Variants in ZFX observed in about 807,000 individuals in gnomAD.
ZFX encodes the protein zinc finger X-chromosomal protein.
For synonymous variants in ZFX, 196 were observed against 226.8 expected, an observed-to-expected ratio of 0.86 and a Z score of 1.22; for missense variants, 362 against 628.3, an observed-to-expected ratio of 0.58 and a Z score of 4.53.
At chrX:24,173,591 GT>G (rs1195149102) in intron 4 of ZFX, 2 of 1,143,878 alleles carry the variant, frequency 1.7e-6, no homozygotes, top group East Asian at 3.3e-5. Flanking sequence ...TGCGTTTTGG[GT>G]TTTTTTGTTT....
Position 24,211,828 on chromosome X carries a change from G to A in ZFX, c.*452G>A, listed in dbSNP as rs1938106895. The A allele has an allele frequency of 1.7e-5, 2 of 117,142 alleles. No individual in the cohort carries two copies. Among genetic ancestry groups the A allele is most frequent in the Admixed American group, 1.7e-4 (2 of 11,429 alleles). 9.7% of individuals were successfully genotyped at this position (117,142 alleles called of 1,213,427 possible). ...GAGACATCTACTAATATAAATGGGAGATTTTACAGTCAGGTCTAATTATCA... is the reference window on the plus strand; with the variant it reads ...GAGACATCTACTAATATAAATGGGAAATTTTACAGTCAGGTCTAATTATCA... On this transcript the variant is annotated 3_prime_UTR_variant, in exon 10 of 10. Transcript: ENST00000304543.
chrX:24,197,913 A>G (rs1386151512), intron 5 of ZFX, among the ~76,000 whole-genome samples: 1 of 111,966 alleles, frequency 8.9e-6, no homozygotes. Context: ...GAATTCAGGG[A>G]CTGTAGTACC....
intron 3 of ZFX, among the ~76,000 whole-genome samples, chrX:24,165,660 T>C (rs1395012493): frequency 8.9e-6 from 1 of 112,348 alleles, no homozygotes; most frequent in Admixed American, 9.4e-5. Context: ...TTACCTAGGA[T>C]GGTTTTATTT....
intron 4 of ZFX, among the ~76,000 whole-genome samples, chrX:24,178,602 T>A (rs868659333): frequency 1.6e-4 from 12 of 77,216 alleles, no homozygotes; most frequent in African/African-American, 4.8e-4. Flanking sequence ...TTTTTTTTTT[T>A]AAAACAGTCT....
intron 5 of ZFX, among the ~76,000 whole-genome samples, chrX:24,196,107 T>G (rs764276131): frequency 4.5e-5 from 5 of 111,675 alleles, no homozygotes; most frequent in Non-Finnish European, 9.4e-5. Context: ...TTGTTGAGGC[T>G]GATCCATCTA....
intron 3 of ZFX, among the ~76,000 whole-genome samples, chrX:24,170,216 C>T (rs1038387648): frequency 2.6e-4 from 27 of 103,454 alleles, no homozygotes; most frequent in African/African-American, 8.3e-4. Flanking sequence ...AGTGCAGTGT[C>T]GCAATCTTGG....
At position 24,208,385 on chromosome X, in the gene ZFX, A is replaced by C; in HGVS notation, c.1093+15A>C. 1 of 1,203,231 alleles carries C rather than the reference A, an allele frequency of 8.3e-7. No individual in the cohort carries two copies. Among genetic ancestry groups the C allele is most frequent in the East Asian group, 3.0e-5 (1 of 33,753 alleles). On this transcript the variant is annotated intron_variant, in intron 8 of 9. Coordinates refer to ENST00000304543, the MANE Select transcript of ZFX (RefSeq NM_003410.4). ...AGCAGCTTATGGTAAGTTGCCCAGC[A>C]GCTCTTAGCATTGAAGAAGTTGGTT...
At chrX:24,151,882 A>G (rs1301167243) in intron 2 of ZFX, 82 bp downstream of exon 2, 1 of 111,844 alleles carries the variant, frequency 8.9e-6, no homozygotes, top group Non-Finnish European at 1.9e-5. Context: ...TGTTTTCATT[A>G]TCAGAACGAT....
chrX:24,149,453 C>A, upstream of ZFX: 1 of 113,487 alleles, frequency 8.8e-6, no homozygotes, highest in South Asian at 2.9e-4. Flanking sequence ...GGGGCGCTGT[C>A]ACGGAGACTC....
chrX:24,164,665 C>T (rs928852729), intron 3 of ZFX, among the ~76,000 whole-genome samples: 1 of 111,334 alleles, frequency 9.0e-6, no homozygotes, highest in African/African-American at 3.3e-5. Flanking sequence ...GGCACGGTGC[C>T]TCACACCTGT....
chrX:24,196,727 A>G (rs1222190957), intron 5 of ZFX, among the ~76,000 whole-genome samples: 1 of 110,550 alleles, frequency 9.0e-6, no homozygotes, highest in Admixed American at 9.6e-5. Context: ...CCTCCTGTGG[A>G]GCTGGGACTG....
Position 24,214,604 on chromosome X carries a change from G to A in ZFX, c.*3228G>A, listed in dbSNP as rs953274248. On this transcript the variant is annotated 3_prime_UTR_variant, in exon 10 of 10. Transcript: ENST00000304543. ...ATTTTGTGACTCGGATGCAAATACT[G>A]GTAATATTTCAGTTCTGTGAATTTG... 8.9e-6 allele frequency: 1 copy of A among 112,190 alleles called. No individual in the cohort carries two copies. Among genetic ancestry groups the A allele is most frequent in the African/African-American group, 3.2e-5 (1 of 30,784 alleles). The allele number at this position is 112,190 out of a possible 1,213,427, so 9.2% of individuals were successfully genotyped here. A position where few individuals can be genotyped will look rare whatever the true frequency, so the allele number is the denominator to read the frequency against.
chrX:24,187,776 G>T (rs1936244643), intron 5 of ZFX, among the ~76,000 whole-genome samples: 2 of 111,380 alleles, frequency 1.8e-5, no homozygotes, highest in South Asian at 7.5e-4. Flanking sequence ...CAAAGTCCCT[G>T]GCTTTTTAAG....
intron 5 of ZFX, among the ~76,000 whole-genome samples, chrX:24,203,331 A>G (rs944520865): frequency 8.9e-6 from 1 of 111,966 alleles, no homozygotes; most frequent in Non-Finnish European, 1.9e-5. Flanking sequence ...CTTTGATCTC[A>G]TTGGATCTAC....
At chrX:24,181,894 T>C (rs1329710160) in intron 5 of ZFX, among the ~76,000 whole-genome samples, 1 of 111,477 alleles carries the variant, frequency 9.0e-6, no homozygotes, top group Non-Finnish European at 1.9e-5. Flanking sequence ...AAGACTTAAG[T>C]GAGGGAGAGA....
chrX:24,185,133 G>A (rs991365383), intron 5 of ZFX, among the ~76,000 whole-genome samples: 4 of 111,328 alleles, frequency 3.6e-5, no homozygotes, highest in African/African-American at 1.3e-4. Context: ...TACATTTTTT[G>A]TAGAGAGGGG....
intron 4 of ZFX, among the ~76,000 whole-genome samples, chrX:24,174,476 C>T (rs1345907558): frequency 9.5e-5 from 10 of 105,568 alleles, no homozygotes; most frequent in African/African-American, 3.4e-4. Context: ...TCACTGCAAC[C>T]TCTGTCTCCC....
At chrX:24,204,691 T>A (rs2238925) in intron 5 of ZFX, among the ~76,000 whole-genome samples, 41,978 of 110,626 alleles carry the variant, frequency 0.38, 5,970 homozygotes, top group South Asian at 0.64. Context: ...CCATGCTCCA[T>A]ATTCCAGAAG....
Position 24,211,550 on chromosome X carries a change from T to A in ZFX, c.*174T>A. ...ATATACATTTTGCTCAGTAGTGTGT[T>A]CTGAATTCTATTCAGTTTGTTTAAT... is the stretch of plus-strand genomic sequence containing the variant. On this transcript the variant is annotated 3_prime_UTR_variant, in exon 10 of 10. Transcript: ENST00000304543. 1.9e-6 allele frequency: 1 copy of A among 530,061 alleles called. No individual in the cohort carries two copies. Among genetic ancestry groups the A allele is most frequent in the Non-Finnish European group, 2.9e-6 (1 of 340,483 alleles). The allele number at this position is 530,061 out of a possible 1,213,427, so 43.7% of individuals were successfully genotyped here. A position where few individuals can be genotyped will look rare whatever the true frequency, so the allele number is the denominator to read the frequency against.
Sources: gnomAD v4.1 joint callset for allele counts (sites outside exome capture counted in the v4.1 genomes callset) on GRCh38, gnomAD v4.1.1 for gene constraint, MANE v1.5 for transcripts, NCBI Gene and HGNC (gene_info 2026-07-23, HGNC 2026-07-21) for gene names.